Variants in PDZD2 observed in about 807,000 individuals in gnomAD.
PDZD2 encodes the protein PDZ domain containing 2.
A neutral mutation model predicts 220.7 loss-of-function variants in PDZD2; 90 were observed. That is an observed-to-expected ratio of 0.41 (90% confidence interval 0.34 to 0.49). The LOEUF is 0.49. Among genes scored for constraint, PDZD2 ranks in the 20% least tolerant of loss-of-function variants. The pLI is 0.28. For missense variants in PDZD2, 3,174 were observed against 3,608.5 expected (o/e 0.88, Z 3.08); for synonymous variants, 1,375 against 1,450.5 (o/e 0.95, Z 1.18).
chr5:31,761,706 CA>C (rs1751664368), intron 1 of PDZD2, among the ~76,000 whole-genome samples: 1 of 151,846 alleles, frequency 6.6e-6, no homozygotes, highest in South Asian at 2.1e-4. Flanking sequence ...ACTAAAAATA[CA>C]AAAAGTAGCT....
At chr5:31,765,489 G>A (rs561042078) in intron 1 of PDZD2, among the ~76,000 whole-genome samples, 5 of 152,256 alleles carry the variant, frequency 3.3e-5, no homozygotes, top group African/African-American at 7.2e-5. Context: ...TTTCCTGCCC[G>A]CCCCTGTTCT....
intron 24 of PDZD2, among the ~76,000 whole-genome samples, chr5:32,104,451 G>C (rs1199388117): frequency 6.6e-6 from 1 of 151,392 alleles, no homozygotes. Context: ...TGCCTCCCAG[G>C]TTCAAGTGAA....
chr5:32,032,955 A>G (rs1755239748), intron 6 of PDZD2, among the ~76,000 whole-genome samples: 1 of 152,218 alleles, frequency 6.6e-6, no homozygotes, highest in South Asian at 2.1e-4. Flanking sequence ...GGTGTGGAAA[A>G]TGATGCAAAC....
rs574075811 is a variant in PDZD2, at chr5:32,096,081, A to G, written c.7846-1198A>G. Among the ~76,000 whole-genome samples, 5 of 152,000 alleles carry G rather than the reference A, an allele frequency of 3.3e-5. No homozygotes were observed. In the East Asian group the frequency reaches 9.7e-4, roughly 30 times the overall value. On this transcript the variant is annotated intron_variant, in intron 21 of 24. Coordinates refer to ENST00000438447, the MANE Select transcript of PDZD2 (RefSeq NM_178140.4). ...TTTCAAATATTGTCTCTTTGCTCCC[A>G]TAAGACATTGAAATATCTGAGAAGT...
At chr5:31,979,390 ACAACATGGT>A (rs570137706) in intron 2 of PDZD2, among the ~76,000 whole-genome samples, 40 of 152,062 alleles carry the variant, frequency 2.6e-4, no homozygotes, top group African/African-American at 9.6e-4. Flanking sequence ...TCCACCATGG[ACAACATGGT>A]GAAACCCCAT....
At position 32,037,303 on chromosome 5, in the gene PDZD2, C is replaced by T. The variant is rs1308049685; in HGVS notation, c.1480C>T (p.Gln494Ter). 1 of 1,613,132 alleles carries T rather than the reference C, an allele frequency of 6.2e-7. No individual in the cohort carries two copies. The highest frequency in any genetic ancestry group is 8.5e-7 in the Non-Finnish European group (1 of 1,179,124). The stretch of plus-strand genomic sequence containing the variant: ...CAAGGGGAACTTGGAAAGTCCCAAA[C>T]AGGGCAGCAATAAAATCAAGCTCAA... ...ESKGNLESPK[Q>*]GSNKIKLKSR... Residue 494 changes from glutamine (Q) to a stop codon, truncating the protein, a stop_gained, in exon 7 of 25, where the codon CAG becomes TAG. Coordinates refer to ENST00000438447, the MANE Select transcript of PDZD2 (RefSeq NM_178140.4). LOFTEE classifies it high-confidence loss of function.
chr5:31,803,571 A>G (rs1437135214), intron 2 of PDZD2, among the ~76,000 whole-genome samples: 1 of 151,734 alleles, frequency 6.6e-6, no homozygotes, highest in Non-Finnish European at 1.5e-5. Flanking sequence ...CAGGGAGAAT[A>G]TTGGCTTGGT....
chr5:31,775,767 G>A (rs1561449895), intron 1 of PDZD2, among the ~76,000 whole-genome samples: 1 of 151,300 alleles, frequency 6.6e-6, no homozygotes, highest in East Asian at 2.0e-4. Flanking sequence ...TGGACTGTTA[G>A]ATCTGTGCTG....
At chr5:31,729,647 C>T (rs961862656) in intron 1 of PDZD2, among the ~76,000 whole-genome samples, 2 of 152,102 alleles carry the variant, frequency 1.3e-5, no homozygotes, top group African/African-American at 4.8e-5. Context: ...TGTCCATCCA[C>T]CAACTTCAGA....
chr5:32,087,006 ATAT>A lies in PDZD2; in HGVS notation c.3683-123_3683-121del. 1.5e-6 allele frequency: 1 copy of A among 651,360 alleles called. No homozygotes were observed. Among genetic ancestry groups the A allele is most frequent in the Non-Finnish European group, 2.7e-6 (1 of 374,234 alleles). 40.3% of individuals were successfully genotyped at this position (651,360 alleles called of 1,614,324 possible). Reference sequence around the variant, plus strand: ...GCCCAGCTTTCTGAAAAAGAAAAAAATATTTGAGGTTGTTTATAATTTTCTAGT... The same window carrying A: ...GCCCAGCTTTCTGAAAAAGAAAAAAATTGAGGTTGTTTATAATTTTCTAGT... On this transcript the variant is annotated intron_variant, in intron 19 of 24. Transcript: ENST00000438447. The surrounding 1 kb of genome is among the most constrained non-coding windows in gnomAD (Gnocchi z 4.0).
chr5:31,713,164 C>A (rs995085912), intron 1 of PDZD2, among the ~76,000 whole-genome samples: 1 of 152,178 alleles, frequency 6.6e-6, no homozygotes, highest in Non-Finnish European at 1.5e-5. Context: ...ATGCTCTGGT[C>A]TCACCAGAAG....
intron 1 of PDZD2, among the ~76,000 whole-genome samples, chr5:31,728,330 G>T (rs1482642961): frequency 6.6e-6 from 1 of 152,072 alleles, no homozygotes. Context: ...GAGAAATGCT[G>T]CCCTAAGGAG....
intron 2 of PDZD2, among the ~76,000 whole-genome samples, chr5:31,959,251 T>TTATA (rs201881528): frequency 9.7e-5 from 14 of 143,906 alleles, no homozygotes; most frequent in African/African-American, 3.3e-4. Context: ...ATATATATAT[T>TTATA]TATATATATA....
intron 6 of PDZD2, among the ~76,000 whole-genome samples, chr5:32,012,287 G>A (rs191427788): frequency 6.6e-6 from 1 of 152,202 alleles, no homozygotes; most frequent in Non-Finnish European, 1.5e-5. Flanking sequence ...CAGCCCTGCA[G>A]CACGTCTGCA....
At chr5:31,776,197 C>T (rs1014260657) in intron 1 of PDZD2, among the ~76,000 whole-genome samples, 1 of 152,170 alleles carries the variant, frequency 6.6e-6, no homozygotes. Context: ...TGGACTCCTC[C>T]TCTTCTCTAT....
chr5:31,806,053 G>A (rs1754695114), intron 2 of PDZD2, among the ~76,000 whole-genome samples: 1 of 152,130 alleles, frequency 6.6e-6, no homozygotes, highest in Non-Finnish European at 1.5e-5. Context: ...TGTTGCTTAA[G>A]CCTCCTGGTT....
At chr5:32,084,231 A>C (rs1561538545) in intron 19 of PDZD2, among the ~76,000 whole-genome samples, 3 of 152,230 alleles carry the variant, frequency 2.0e-5, no homozygotes, top group Non-Finnish European at 4.4e-5. Flanking sequence ...TCGACGATCC[A>C]ACCTTTTGAT....
chr5:32,067,163 C>A (rs754256752), intron 14 of PDZD2, among the ~76,000 whole-genome samples: 2 of 152,180 alleles, frequency 1.3e-5, no homozygotes, highest in African/African-American at 2.4e-5. Context: ...ACAAGGATTT[C>A]TTTTCTTCTG....
chr5:32,103,583 C>CCAT (rs2111714667), intron 24 of PDZD2: 1 of 152,382 alleles, frequency 6.6e-6, no homozygotes, highest in Admixed American at 6.5e-5. Flanking sequence ...GGGAAAATGT[C>CCAT]CATCACCTGA....
Sources: allele counts gnomAD v4.1 joint callset (sites outside exome capture counted in the v4.1 genomes callset), GRCh38; gene constraint gnomAD v4.1.1; non-coding constraint Gnocchi (gnomAD v3.1); transcripts MANE v1.5; gene names NCBI Gene and HGNC (gene_info 2026-07-23, HGNC 2026-07-21).